TRIQK: variants seen among roughly 807,000 people sequenced by gnomAD.
TRIQK encodes the protein triple QxxK/R motif containing, also known as triple QxxK/R motif-containing protein.
A neutral mutation model predicts 10.8 loss-of-function variants in TRIQK; 10 were observed. The ratio of observed to expected loss-of-function variants is 0.92; its 90% confidence interval spans 0.57 to 1.57. The LOEUF (loss-of-function observed/expected upper bound fraction) is 1.57. Among genes scored for constraint, TRIQK ranks in the 40% most tolerant of loss-of-function variants. The pLI, the probability that TRIQK is intolerant of heterozygous loss-of-function variation, is 0.00. For synonymous variants in TRIQK, 33 were observed against 33.7 expected (o/e 0.98, Z 0.07); for missense variants, 107 against 97.7 (o/e 1.09, Z -0.40).
upstream of TRIQK, among the ~76,000 whole-genome samples, chr8:92,970,170 C>T (rs1433502509): frequency 2.0e-5 from 3 of 152,170 alleles, no homozygotes; most frequent in Admixed American, 1.3e-4. Context: ...ATATGTACCA[C>T]ATTTTCTTTA....
intron 2 of TRIQK, among the ~76,000 whole-genome samples, chr8:92,949,858 G>A (rs1203587676): frequency 1.9e-5 from 2 of 103,186 alleles, no homozygotes; most frequent in Non-Finnish European, 3.9e-5. Flanking sequence ...GAAAAGAAAA[G>A]AGAAAGGAAG....
intron 2 of TRIQK, among the ~76,000 whole-genome samples, chr8:92,928,420 G>A (rs1358228129): frequency 6.6e-6 from 1 of 152,114 alleles, no homozygotes; most frequent in Non-Finnish European, 1.5e-5. Context: ...AGCAACTGGA[G>A]GGTCCAGATC....
chr8:92,974,717 C>G (rs1812912760), intron 1 of TRIQK: 1 of 152,268 alleles, frequency 6.6e-6, no homozygotes. Context: ...TTGATGCTGG[C>G]CAGTGGCCCT....
intron 3 of TRIQK, among the ~76,000 whole-genome samples, chr8:92,914,774 G>C (rs1324517431): frequency 2.0e-5 from 3 of 152,108 alleles, no homozygotes; most frequent in African/African-American, 7.2e-5. Flanking sequence ...CAGAATCCTT[G>C]TATATTCTTA....
intron 2 of TRIQK, among the ~76,000 whole-genome samples, chr8:92,942,488 A>G (rs1169733144): frequency 6.6e-6 from 1 of 152,196 alleles, no homozygotes; most frequent in Non-Finnish European, 1.5e-5. Flanking sequence ...GAGCAAGACA[A>G]GGATGCTCAC....
At chr8:92,928,082 A>G (rs1053460310) in intron 2 of TRIQK, 4 of 152,190 alleles carry the variant, frequency 2.6e-5, no homozygotes, top group Non-Finnish European at 4.4e-5. Flanking sequence ...GGGATATAAA[A>G]AGATAGAGAG....
At chr8:92,899,198 G>T (rs891253124) in intron 3 of TRIQK, among the ~76,000 whole-genome samples, 4 of 151,588 alleles carry the variant, frequency 2.6e-5, no homozygotes, top group African/African-American at 4.8e-5. Flanking sequence ...TAGCCAGGAT[G>T]GTCTCAATCT....
intron 3 of TRIQK, among the ~76,000 whole-genome samples, chr8:92,893,617 T>G (rs1042922616): frequency 3.3e-5 from 5 of 151,984 alleles, no homozygotes; most frequent in Non-Finnish European, 1.5e-5. Context: ...TCTTGACAAG[T>G]GTTCACTCTA....
Position 92,985,080 on chromosome 8 carries a change from C to G in TRIQK, c.-180-30516G>C, listed in dbSNP as rs77542841. 1.3e-3 allele frequency among the ~76,000 whole-genome samples: 197 copies of G among 152,208 alleles called. 7 individuals are homozygous for G. In the East Asian group the frequency reaches 0.027, roughly 21 times the overall value. On this transcript the variant is annotated intron_variant, in intron 1 of 4. Coordinates refer to the TRIQK transcript ENST00000520686. Reference sequence around the variant, plus strand: ...TATTTTCCTAGACTGAAATCTGATACTATTATACGTTTGTTTCATTTGTTT... The same window carrying G: ...TATTTTCCTAGACTGAAATCTGATAGTATTATACGTTTGTTTCATTTGTTT...
chr8:92,950,705 C>T (rs540217066), intron 2 of TRIQK, among the ~76,000 whole-genome samples: 1 of 152,226 alleles, frequency 6.6e-6, no homozygotes, highest in East Asian at 1.9e-4. Context: ...ATAAGTTTAG[C>T]ATCTCAAATA....
chr8:92,911,750 C>T (rs1809578952), intron 3 of TRIQK, among the ~76,000 whole-genome samples: 1 of 150,152 alleles, frequency 6.7e-6, no homozygotes, highest in Non-Finnish European at 1.5e-5. Flanking sequence ...TTTAAAAATA[C>T]ACATATATGC....
At chr8:92,961,121 G>A (rs1812436161) in intron 1 of TRIQK, among the ~76,000 whole-genome samples, 1 of 152,098 alleles carries the variant, frequency 6.6e-6, no homozygotes, top group Non-Finnish European at 1.5e-5. Context: ...ATGCCTCTGA[G>A]TTTTCTACTG....
intron 1 of TRIQK, chr8:92,974,589 A>C (rs918354023): frequency 2.0e-5 from 3 of 152,256 alleles, no homozygotes. Context: ...ATTGACTGAT[A>C]GTATCTAGAC....
At chr8:92,887,732 A>T (rs1379224775) in intron 4 of TRIQK, among the ~76,000 whole-genome samples, 1 of 151,644 alleles carries the variant, frequency 6.6e-6, no homozygotes, top group Non-Finnish European at 1.5e-5. Context: ...CAAGAAGGTA[A>T]GTCAGTAATA....
chr8:93,007,177 C>T (rs1342568604), intron 1 of TRIQK, among the ~76,000 whole-genome samples: 1 of 152,214 alleles, frequency 6.6e-6, no homozygotes, highest in African/African-American at 2.4e-5. Context: ...GTTCTGCAGC[C>T]TCCACTAGTG....
At chr8:92,933,707 T>A (rs531034471) in intron 2 of TRIQK, among the ~76,000 whole-genome samples, 12 of 152,258 alleles carry the variant, frequency 7.9e-5, no homozygotes, top group Admixed American at 3.3e-4. Flanking sequence ...TACATGGGTA[T>A]TTATACATTT....
intron 1 of TRIQK, among the ~76,000 whole-genome samples, chr8:92,962,476 A>G (rs1665097357): frequency 6.6e-6 from 1 of 152,218 alleles, no homozygotes; most frequent in Non-Finnish European, 1.5e-5. Context: ...AGATCTCTAC[A>G]TTACACAATA....
At chr8:92,982,871 T>C (rs1412874748) in intron 1 of TRIQK, among the ~76,000 whole-genome samples, 2 of 151,996 alleles carry the variant, frequency 1.3e-5, no homozygotes, top group African/African-American at 4.8e-5. Context: ...TGGAACCCAC[T>C]GCAATCCATT....
chr8:92,904,149 A>T (rs1236723189), intron 3 of TRIQK, among the ~76,000 whole-genome samples: 2 of 152,080 alleles, frequency 1.3e-5, no homozygotes, highest in Non-Finnish European at 2.9e-5. Context: ...ATTAAAAAAA[A>T]ATCAATTCCT....
Sources: gnomAD v4.1 joint callset for allele counts (sites outside exome capture counted in the v4.1 genomes callset) on GRCh38, gnomAD v4.1.1 for gene constraint, MANE v1.5 for transcripts, NCBI Gene and HGNC (gene_info 2026-07-23, HGNC 2026-07-21) for gene names.